ARHGAP6: variants seen among roughly 807,000 people sequenced by gnomAD.
The protein encoded by ARHGAP6 is Rho GTPase activating protein 6, also known as rho GTPase-activating protein 6.
ARHGAP6 carries 16 observed loss-of-function variants against 55.7 expected under a neutral mutation model. That is an observed-to-expected ratio of 0.29 (90% CI 0.19 to 0.44). ARHGAP6 has a LOEUF of 0.44. Ranked by LOEUF, ARHGAP6 falls within the 20% of genes least tolerant of loss-of-function variation. The pLI is 1.00. For synonymous variants in ARHGAP6, 382 were observed against 360.9 expected (o/e 1.06, Z -0.66); for missense variants, 698 against 808.9 (o/e 0.86, Z 1.66).
intron 1 of ARHGAP6, among the ~76,000 whole-genome samples, chrX:11,635,137 C>T (rs2052403667): frequency 8.9e-6 from 1 of 112,447 alleles, no homozygotes; most frequent in African/African-American, 3.2e-5. Flanking sequence ...GCAAGTCAAA[C>T]TTCACAATCT....
intron 1 of ARHGAP6, among the ~76,000 whole-genome samples, chrX:11,657,644 T>C (rs752368452): frequency 2.7e-5 from 3 of 110,632 alleles, no homozygotes; most frequent in African/African-American, 9.8e-5. Flanking sequence ...AATCAGAAAA[T>C]ATATATTGGG....
chrX:11,468,143 A>G (rs998255457), intron 1 of ARHGAP6, among the ~76,000 whole-genome samples: 2 of 111,442 alleles, frequency 1.8e-5, no homozygotes, highest in East Asian at 2.8e-4. Context: ...TAGGATTCCA[A>G]TGATGTTCTA....
intron 1 of ARHGAP6, among the ~76,000 whole-genome samples, chrX:11,565,299 T>C (rs2051430416): frequency 8.9e-6 from 1 of 112,031 alleles, no homozygotes; most frequent in South Asian, 3.7e-4. Flanking sequence ...AGGAACAACA[T>C]CCTCTTCTTT....
chrX:11,261,253 G>A (rs1236704791), intron 1 of ARHGAP6, among the ~76,000 whole-genome samples: 1 of 111,331 alleles, frequency 9.0e-6, no homozygotes, highest in East Asian at 2.8e-4. Context: ...AGGTGACGCG[G>A]GGAAGAGTTA....
At chrX:11,172,965 G>C (rs1464581187) in intron 8 of ARHGAP6, among the ~76,000 whole-genome samples, 3 of 111,345 alleles carry the variant, frequency 2.7e-5, no homozygotes, top group African/African-American at 9.8e-5. Flanking sequence ...AGTCTAATAT[G>C]TACAGGTACC....
intron 1 of ARHGAP6, among the ~76,000 whole-genome samples, chrX:11,581,025 A>T (rs1184727233): frequency 8.9e-6 from 1 of 112,495 alleles, no homozygotes; most frequent in Non-Finnish European, 1.9e-5. Flanking sequence ...ATTTGTGTGC[A>T]AGGTCAAGTG....
chrX:11,410,258 A>G (rs776323134), intron 1 of ARHGAP6, among the ~76,000 whole-genome samples: 2 of 112,666 alleles, frequency 1.8e-5, no homozygotes, highest in Non-Finnish European at 3.7e-5. Context: ...TAAGCAAAGT[A>G]TCATGTTTCC....
intron 1 of ARHGAP6, among the ~76,000 whole-genome samples, chrX:11,532,043 G>A (rs1249390741): frequency 8.9e-6 from 1 of 112,427 alleles, no homozygotes; most frequent in South Asian, 3.7e-4. Flanking sequence ...GCTGGGGTTC[G>A]AAGTCTCCTT....
At chrX:11,165,120 G>C (rs1314251849) in intron 9 of ARHGAP6, among the ~76,000 whole-genome samples, 1 of 111,450 alleles carries the variant, frequency 9.0e-6, no homozygotes, top group Non-Finnish European at 1.9e-5. Context: ...TAAGCAGTAT[G>C]GACACTGGAC....
chrX:11,516,898 C>T (rs1445180354), intron 1 of ARHGAP6, among the ~76,000 whole-genome samples: 1 of 111,709 alleles, frequency 9.0e-6, no homozygotes, highest in African/African-American at 3.3e-5. Flanking sequence ...TAAATGTAGG[C>T]ATTCTCAGGT....
chrX:11,642,022 T>C (rs1264339538), intron 1 of ARHGAP6, among the ~76,000 whole-genome samples: 1 of 112,174 alleles, frequency 8.9e-6, no homozygotes, highest in Non-Finnish European at 1.9e-5. Flanking sequence ...CCCTTTCTTT[T>C]ACTTCTTTCA....
intron 1 of ARHGAP6, among the ~76,000 whole-genome samples, chrX:11,492,739 T>C (rs2050583952): frequency 8.9e-6 from 1 of 112,174 alleles, no homozygotes; most frequent in Non-Finnish European, 1.9e-5. Context: ...AAGAATGAAC[T>C]AGATGATTAG....
chrX:11,231,813 A>T (rs1249377995), intron 2 of ARHGAP6, among the ~76,000 whole-genome samples: 12 of 112,162 alleles, frequency 1.1e-4, no homozygotes, highest in Non-Finnish European at 2.3e-4. Context: ...CCCAAAGCAC[A>T]TTGAAATAAT....
At chrX:11,273,499 A>G (rs1293646087) in intron 1 of ARHGAP6, among the ~76,000 whole-genome samples, 2 of 110,686 alleles carry the variant, frequency 1.8e-5, no homozygotes, top group Admixed American at 1.9e-4. Flanking sequence ...CAAGTACATA[A>G]TCGCTTTGTT....
intron 1 of ARHGAP6, among the ~76,000 whole-genome samples, chrX:11,400,612 T>C (rs2049537161): frequency 9.1e-6 from 1 of 109,872 alleles, no homozygotes. Flanking sequence ...TTTTCACAGC[T>C]GTGGCTTACC....
intron 1 of ARHGAP6, among the ~76,000 whole-genome samples, chrX:11,409,014 T>G (rs2049647620): frequency 9.1e-6 from 1 of 110,395 alleles, no homozygotes; most frequent in Non-Finnish European, 1.9e-5. Context: ...CTCTGTGGCC[T>G]GTAAGTCCCT....
At chrX:11,595,427 A>G (rs2051890863) in intron 1 of ARHGAP6, among the ~76,000 whole-genome samples, 1 of 111,886 alleles carries the variant, frequency 8.9e-6, no homozygotes, top group Admixed American at 9.5e-5. Context: ...AAACCAACTC[A>G]AGATGGATCA....
chrX:11,196,486 C>T (rs1381049163), intron 3 of ARHGAP6, among the ~76,000 whole-genome samples: 1 of 111,137 alleles, frequency 9.0e-6, no homozygotes, highest in Non-Finnish European at 1.9e-5. Context: ...AAAAAAAATG[C>T]TGAGAATGGC....
chrX:11,251,384 T>A (rs1282474447), intron 2 of ARHGAP6, among the ~76,000 whole-genome samples: 1 of 111,869 alleles, frequency 8.9e-6, no homozygotes, highest in East Asian at 2.8e-4. Context: ...CCCACCCTTG[T>A]GGTCTACTCT....
Sources: gnomAD v4.1 joint callset for allele counts (sites outside exome capture counted in the v4.1 genomes callset) on GRCh38, gnomAD v4.1.1 for gene constraint, MANE v1.5 for transcripts, NCBI Gene and HGNC (gene_info 2026-07-23, HGNC 2026-07-21) for gene names.